Variants in PCDHA12 observed in about 807,000 individuals in gnomAD.
PCDHA12 encodes protocadherin alpha-12.
PCDHA12 carries 44 observed loss-of-function variants against 60.0 expected under a neutral mutation model. That is an observed-to-expected ratio of 0.73 (90% CI 0.58 to 0.94). PCDHA12 has a LOEUF of 0.94. Among genes scored for constraint, PCDHA12 ranks in the 40% least tolerant of loss-of-function variants. The pLI is 0.00. For synonymous variants in PCDHA12, 569 were observed against 553.0 expected (o/e 1.03, Z -0.40); for missense variants, 1,276 against 1,239.7 (o/e 1.03, Z -0.44).
chr5:140,968,272 A>G (rs369285531), intron 1 of PCDHA12: 1 of 1,613,936 alleles, frequency 6.2e-7, no homozygotes, highest in African/African-American at 1.3e-5. Context: ...AGGAGAATGC[A>G]GAGGTGACCT....
intron 1 of PCDHA12, among the ~76,000 whole-genome samples, chr5:140,946,611 A>AATATATATATATATATATATAT (rs1554217734): frequency 0.012 from 1,017 of 86,324 alleles, 26 homozygotes; most frequent in Middle Eastern, 0.016. Flanking sequence ...GAAAATGTGA[A>AATATATATATATATATATATAT]ATATATATAT....
chr5:140,935,051 C>T (rs1554210307), intron 1 of PCDHA12, among the ~76,000 whole-genome samples: 1 of 152,096 alleles, frequency 6.6e-6, no homozygotes, highest in African/African-American at 2.4e-5. Context: ...TCTGGTATTA[C>T]AAGATGTTCA....
chr5:140,898,321 G>T (rs370229202), intron 1 of PCDHA12, among the ~76,000 whole-genome samples: 1 of 151,946 alleles, frequency 6.6e-6, no homozygotes. Context: ...TTATGGTTTT[G>T]GGTCTAACGT....
At chr5:140,925,114 G>T (rs1341892158) in intron 1 of PCDHA12, among the ~76,000 whole-genome samples, 2 of 151,122 alleles carry the variant, frequency 1.3e-5, no homozygotes, top group East Asian at 3.9e-4. Context: ...AGGAGGGAAG[G>T]AAGGAAGGAA....
intron 1 of PCDHA12, among the ~76,000 whole-genome samples, chr5:140,978,500 G>T (rs1480843119): frequency 2.0e-5 from 3 of 152,228 alleles, no homozygotes; most frequent in Non-Finnish European, 2.9e-5. Context: ...GCAGCAGATT[G>T]CAGTCCTCTG....
At chr5:140,980,730 A>G (rs1227353445) in intron 2 of PCDHA12, among the ~76,000 whole-genome samples, 2 of 152,176 alleles carry the variant, frequency 1.3e-5, no homozygotes, top group Non-Finnish European at 2.9e-5. Context: ...CAATTAAGAT[A>G]TTATGAGATT....
chr5:140,994,911 A>C (rs527704488), intron 3 of PCDHA12, among the ~76,000 whole-genome samples: 4 of 152,222 alleles, frequency 2.6e-5, no homozygotes, highest in African/African-American at 9.6e-5. Flanking sequence ...TGTAGACTGG[A>C]ATCAGATTTT....
At chr5:140,890,223 G>C (rs1218987173) in intron 1 of PCDHA12, among the ~76,000 whole-genome samples, 3 of 152,108 alleles carry the variant, frequency 2.0e-5, no homozygotes, top group Non-Finnish European at 4.4e-5. Context: ...CAGAGACCTA[G>C]TTGTTAAGCA....
chr5:140,891,921 C>G (rs1405172226), intron 1 of PCDHA12, among the ~76,000 whole-genome samples: 1 of 152,234 alleles, frequency 6.6e-6, no homozygotes, highest in African/African-American at 2.4e-5. Flanking sequence ...ATGCTGGTGC[C>G]TTGATCTTGG....
intron 1 of PCDHA12, among the ~76,000 whole-genome samples, chr5:140,893,338 T>A (rs1409461265): frequency 1.3e-5 from 2 of 152,174 alleles, no homozygotes; most frequent in Non-Finnish European, 2.9e-5. Flanking sequence ...TTTTCCTTAG[T>A]GGCAGTGCTA....
rs139625618 is a variant in PCDHA12 at position 141,008,025 on chromosome 5, T to C, written c.2516-1602T>C. 1.8e-3 allele frequency among the ~76,000 whole-genome samples: 273 copies of C among 152,354 alleles called. 1 individual carries two copies. Among genetic ancestry groups the C allele is most frequent in the Middle Eastern group, 6.8e-3 (2 of 294 alleles). Reference sequence around the variant, plus strand: ...TAAACTTCTGTTTCCTTTTTTTTCTTGTTAATCTGCCTTTTGTAACAGGGG... The same window carrying C: ...TAAACTTCTGTTTCCTTTTTTTTCTCGTTAATCTGCCTTTTGTAACAGGGG... On this transcript the variant is annotated intron_variant, in intron 3 of 3. Transcript: ENST00000398631.
chr5:141,009,650 C>G lies in PCDHA12; in HGVS notation c.2539C>G (p.Pro847Ala). Residue 847 changes from proline to alanine, a missense_variant, in exon 4 of 4, where the codon CCT becomes GCT. Transcript: ENST00000398631. The part of the protein sequence containing the change: ...TPEPEAGEVS[P>A]PVGAGVNSNS... ...AGAACCAGAGGCAGGAGAAGTGTCCCCTCCAGTCGGTGCGGGTGTCAACAG... is the reference window on the plus strand; with the variant it reads ...AGAACCAGAGGCAGGAGAAGTGTCCGCTCCAGTCGGTGCGGGTGTCAACAG... 1 of 1,613,886 alleles carries G rather than the reference C, an allele frequency of 6.2e-7. No individual in the cohort carries two copies. Among genetic ancestry groups the G allele is most frequent in the Non-Finnish European group, 8.5e-7 (1 of 1,179,918 alleles).
At chr5:140,889,101 T>TCC in intron 1 of PCDHA12, among the ~76,000 whole-genome samples, 1 of 152,074 alleles carries the variant, frequency 6.6e-6, no homozygotes, top group East Asian at 1.9e-4. Context: ...AATTTTTTCA[T>TCC]CTTTATTCCA....
rs2095730579 is a variant in PCDHA12 at position 140,963,035 on chromosome 5, T to C, written c.2368-15914T>C. Among the ~76,000 whole-genome samples, 3 of 152,330 alleles carry C rather than the reference T, an allele frequency of 2.0e-5. No individual in the cohort carries two copies. The South Asian group carries it at 6.2e-4, about 32-fold the overall frequency. On this transcript the variant is annotated intron_variant, in intron 1 of 3. Transcript: ENST00000398631. ...AAGAAAATGAAGCAATTAACATTTA[T>C]TGAGAGTCTATAAGGGTTTCTACAT...
chr5:140,976,546 A>G (rs2096722070), intron 1 of PCDHA12, among the ~76,000 whole-genome samples: 1 of 152,086 alleles, frequency 6.6e-6, no homozygotes, highest in Non-Finnish European at 1.5e-5. Context: ...GTAAGACCCT[A>G]TCTCATAAAT....
intron 1 of PCDHA12, among the ~76,000 whole-genome samples, chr5:140,880,234 G>T (rs560785672): frequency 1.8e-4 from 28 of 152,250 alleles, no homozygotes; most frequent in Non-Finnish European, 2.8e-4. Context: ...TTAAATTAGT[G>T]TATGTGCGTG....
At chr5:140,917,335 G>GGGGGGGGGGT in intron 1 of PCDHA12, among the ~76,000 whole-genome samples, 2 of 146,518 alleles carry the variant, frequency 1.4e-5, no homozygotes, top group Non-Finnish European at 3.1e-5. Flanking sequence ...GGGGGAGGGG[G>GGGGGGGGGGT]GGGATGGTGT....
intron 1 of PCDHA12, among the ~76,000 whole-genome samples, chr5:140,953,945 C>T (rs189219030): frequency 8.5e-5 from 13 of 152,154 alleles, no homozygotes; most frequent in African/African-American, 3.1e-4. Flanking sequence ...TCCCATTGCT[C>T]CCCCAACAGG....
intron 1 of PCDHA12, among the ~76,000 whole-genome samples, chr5:140,892,143 C>T (rs983937899): frequency 3.3e-5 from 5 of 152,262 alleles, no homozygotes; most frequent in African/African-American, 9.6e-5. Flanking sequence ...ATGGTTTTAG[C>T]GTCTATTTCT....
Sources: gnomAD v4.1 joint callset for allele counts (sites outside exome capture counted in the v4.1 genomes callset) on GRCh38, gnomAD v4.1.1 for gene constraint, MANE v1.5 for transcripts, NCBI Gene and HGNC (gene_info 2026-07-23, HGNC 2026-07-21) for gene names.